DHX9: variants seen among roughly 807,000 people sequenced by gnomAD.
DHX9 encodes DExH-box helicase 9.
Under a neutral mutation model 148.7 loss-of-function variants are expected in DHX9, and 27 were observed. The ratio of observed to expected loss-of-function variants is 0.18; its 90% CI spans 0.13 to 0.25. The LOEUF is 0.25. Among genes scored for constraint, DHX9 ranks in the 10% least tolerant of loss-of-function variants. The pLI, the probability that DHX9 is intolerant of heterozygous loss-of-function variation, is 1.00. For missense variants in DHX9, 796 were observed against 1,559.6 expected (o/e 0.51, Z 8.25); for synonymous variants, 529 against 516.6 (o/e 1.02, Z -0.33).
At chr1:182,856,218 A>G (rs911748261) in intron 6 of DHX9, among the ~76,000 whole-genome samples, 3 of 152,240 alleles carry the variant, frequency 2.0e-5, no homozygotes, top group African/African-American at 7.2e-5. Context: ...ATTCCTTTTC[A>G]TTGAATGTGT....
At chr1:182,865,631 G>A (rs1178845715) in intron 12 of DHX9, among the ~76,000 whole-genome samples, 2 of 152,180 alleles carry the variant, frequency 1.3e-5, no homozygotes, top group African/African-American at 4.8e-5. Flanking sequence ...GGATAAATAT[G>A]AGCCAGGTGA....
At chr1:182,885,830 A>T (rs1649297003) in intron 27 of DHX9, among the ~76,000 whole-genome samples, 1 of 152,240 alleles carries the variant, frequency 6.6e-6, no homozygotes, top group African/African-American at 2.4e-5. Flanking sequence ...GCATAGAATA[A>T]TTCAATAACC....
intron 1 of DHX9, among the ~76,000 whole-genome samples, chr1:182,842,040 T>A (rs995639714): frequency 6.6e-5 from 10 of 152,218 alleles, no homozygotes; most frequent in African/African-American, 2.4e-4. Context: ...TATATGCAAA[T>A]GATAACTTTC....
rs556694866 is a variant in DHX9 at position 182,887,558 on chromosome 1, G to A, written c.*124G>A. 41 of 835,264 alleles carry A rather than the reference G, an allele frequency of 4.9e-5. No homozygotes were observed. Among genetic ancestry groups the A allele is most frequent in the Admixed American group, 1.2e-4 (4 of 34,420 alleles). 51.7% of individuals were successfully genotyped at this position (835,264 alleles called of 1,614,324 possible). The stretch of plus-strand genomic sequence containing the variant: ...TAAATGCATTTTCACCCATTCTGTG[G>A]TTCATTGTAGTTTAAGGAAACCAAG... On this transcript the variant is annotated 3_prime_UTR_variant, in exon 28 of 28. Coordinates refer to ENST00000367549, the MANE Select transcript of DHX9 (RefSeq NM_001357.5).
intron 15 of DHX9, among the ~76,000 whole-genome samples, chr1:182,873,156 C>T (rs1381719190): frequency 6.6e-6 from 1 of 152,072 alleles, no homozygotes; most frequent in East Asian, 1.9e-4. Context: ...AGGTCTCACC[C>T]TGTTGCCCAA....
chr1:182,852,293 T>A lies in DHX9; in HGVS notation c.313T>A (p.Leu105Ile), dbSNP rs780882967. The change falls in exon 4 of 28, where the codon TTA becomes ATA. Residue 105 changes from leucine to isoleucine, a missense_variant. Transcript: ENST00000367549. ...PDTTANAEGD[L>I]PTTMGGPLPP... ...CACTACAGCAAATGCTGAAGGAGAT[T>A]TACCAACAACCATGGGAGGACCTCT... The A allele has an allele frequency of 6.2e-7, 1 of 1,613,072 alleles. No homozygotes were observed. The highest frequency in any genetic ancestry group is 1.3e-5 in the African/African-American group (1 of 74,876).
At chr1:182,847,239 C>G (rs1668048442) in intron 3 of DHX9, among the ~76,000 whole-genome samples, 1 of 152,146 alleles carries the variant, frequency 6.6e-6, no homozygotes. Flanking sequence ...GGTATATTTT[C>G]TTGAGGTTGG....
At chr1:182,878,270 C>A in intron 20 of DHX9, 97 bp downstream of exon 20, 4 of 1,360,060 alleles carry the variant, frequency 2.9e-6, no homozygotes, top group Non-Finnish European at 4.0e-6. Context: ...ATAAGCTGAT[C>A]TAAGTCTTGC....
intron 1 of DHX9, among the ~76,000 whole-genome samples, chr1:182,840,662 C>A (rs908807954): frequency 6.6e-6 from 1 of 152,188 alleles, no homozygotes; most frequent in Non-Finnish European, 1.5e-5. Context: ...GTCTCAGTTT[C>A]CCCTTCTCTA....
At chr1:182,877,895 A>G in intron 19 of DHX9, 126 bp from the exon 20 acceptor site, 3 of 1,067,610 alleles carry the variant, frequency 2.8e-6, no homozygotes, top group Non-Finnish European at 4.0e-6. Context: ...TGTGCCATTC[A>G]TGAATAGACA....
Position 182,887,294 on chromosome 1 carries a change from G to A in DHX9, c.3673G>A (p.Gly1225Ser), listed in dbSNP as rs998588215. 10 of 1,614,132 alleles carry A rather than the reference G, an allele frequency of 6.2e-6. No homozygotes were observed. The highest frequency in any genetic ancestry group is 8.5e-6 in the Non-Finnish European group (10 of 1,180,016). ...AGGCTATAGAGGAGTTTCCCGAGGT[G>A]GCTTTAGAGGCAACTCTGGAGGAGA... ...GGGYRGVSRGGFRGNSGGDYR... is the reference protein window; with the variant it reads ...GGGYRGVSRGSFRGNSGGDYR... The change falls in exon 28 of 28, where the codon GGC becomes AGC. Residue 1225 changes from glycine (G) to serine (S), a missense_variant. Coordinates refer to ENST00000367549, the MANE Select transcript of DHX9 (RefSeq NM_001357.5).
intron 7 of DHX9, 37 bp downstream of exon 7, chr1:182,856,615 G>C (rs1303704522): frequency 5.7e-6 from 9 of 1,580,020 alleles, no homozygotes; most frequent in Non-Finnish European, 7.8e-6. Context: ...CCAAGTCTCT[G>C]TATAGAGAAG....
chr1:182,848,590 GTAAA>G (rs1271170385), intron 3 of DHX9, among the ~76,000 whole-genome samples: 1 of 151,984 alleles, frequency 6.6e-6, no homozygotes, highest in Non-Finnish European at 1.5e-5. Context: ...GGTTGACTGA[GTAAA>G]TGAATGGATG....
chr1:182,847,004 AC>A (rs529314075), intron 3 of DHX9, among the ~76,000 whole-genome samples: 173 of 151,744 alleles, frequency 1.1e-3, no homozygotes, highest in African/African-American at 4.0e-3. Context: ...TGCTAAGCCC[AC>A]CCAGTGTATT....
intron 1 of DHX9, among the ~76,000 whole-genome samples, chr1:182,842,034 T>C (rs899912698): frequency 1.3e-5 from 2 of 152,248 alleles, no homozygotes; most frequent in African/African-American, 4.8e-5. Context: ...TGAATTTATA[T>C]GCAAATGATA....
chr1:182,842,731 TA>T, intron 2 of DHX9, 54 bp downstream of exon 2: 1 of 1,431,336 alleles, frequency 7.0e-7, no homozygotes, highest in Non-Finnish European at 9.6e-7. Flanking sequence ...ATTTTGGGGT[TA>T]AAAGAAAAAT....
intron 7 of DHX9, among the ~76,000 whole-genome samples, chr1:182,856,854 C>CT (rs1423490435): frequency 6.6e-6 from 1 of 151,972 alleles, no homozygotes; most frequent in Admixed American, 6.6e-5. Flanking sequence ...AATTTTAAAC[C>CT]TTTTTTGTTT....
At chr1:182,877,184 T>C (rs1571319088) in intron 19 of DHX9, 1 of 357,024 alleles carries the variant, frequency 2.8e-6, no homozygotes, top group African/African-American at 2.1e-5. Flanking sequence ...TCCCATTGGG[T>C]GTTTCCATTG....
Position 182,883,610 on chromosome 1 carries a change from G to A in DHX9, c.3235G>A (p.Gly1079Arg). ...LFASKKVQSD[G>R]QIVLVDDWIK... ...TGCCTCCAAGAAAGTCCAATCTGAT[G>A]GGCAGATTGTGCTTGTAGATGACTG... The change falls in exon 26 of 28, where the codon GGG becomes AGG. Residue 1079 changes from glycine to arginine, a missense_variant. Physicochemically the swap from Gly to Arg is moderately radical, Grantham distance 125. Coordinates refer to ENST00000367549, the MANE Select transcript of DHX9 (RefSeq NM_001357.5). The A allele has an allele frequency of 6.2e-7, 1 of 1,613,368 alleles. No homozygotes were observed. Among genetic ancestry groups the A allele is most frequent in the Non-Finnish European group, 8.5e-7 (1 of 1,179,444 alleles).
Sources: gnomAD v4.1 joint callset for allele counts (sites outside exome capture counted in the v4.1 genomes callset) on GRCh38, gnomAD v4.1.1 for gene constraint, MANE v1.5 for transcripts, NCBI Gene and HGNC (gene_info 2026-07-23, HGNC 2026-07-21) for gene names.